The following KCNQ4 variants were observed in gnomAD, a reference collection of about 807,000 sequenced individuals.
KCNQ4 encodes potassium voltage-gated channel subfamily KQT member 4.
KCNQ4 carries 31 observed loss-of-function variants against 72.6 expected under a neutral mutation model. That is an observed-to-expected ratio of 0.43 (90% CI 0.32 to 0.58). KCNQ4 has a LOEUF of 0.58. Ranked by LOEUF, KCNQ4 falls within the 20% of genes least tolerant of loss-of-function variation. The probability of loss-of-function intolerance (pLI) is 0.08; values close to 1 mark genes in which losing one functional copy is unlikely to be tolerated. For missense variants in KCNQ4, 869 were observed against 962.6 expected (o/e 0.90, Z 1.29); for synonymous variants, 405 against 403.7 (o/e 1.00, Z -0.04).
At position 40,819,499 on chromosome 1, in the gene KCNQ4, C is replaced by A. The variant is rs33932028; in HGVS notation, c.834+27C>A. On this transcript the variant is annotated intron_variant, in intron 5 of 13. Coordinates refer to ENST00000347132, the MANE Select transcript of KCNQ4 (RefSeq NM_004700.4). ...TGCGTGAGGGTCTTTGTAGGGCTGC[C>A]CTTCTCCCTGGGATCCTCCCTGGGA... The A allele has an allele frequency of 0.14, 223,129 of 1,612,540 alleles. 16,131 individuals carry two copies. The highest frequency in any genetic ancestry group is 0.21 in the South Asian group (18,992 of 91,048).
At position 40,784,137 on chromosome 1, in the gene KCNQ4, C is replaced by T. The variant is rs1369988851; in HGVS notation, c.44C>T (p.Pro15Leu). Residue 15 changes from proline (P) to leucine (L), a missense_variant, in exon 1 of 14, where the codon CCC becomes CTC. By Grantham distance (98) the Pro-to-Leu change is moderately conservative. Transcript: ENST00000347132. This position sits in a 1 kb window ranked among gnomAD's most constrained non-coding sequence, Gnocchi z 4.1. ...CGCCGCCTCGGCCTGGGTCCCCCGC[C>T]CGGGGACGCCCCCCGCGCGGAGCTA... is the stretch of plus-strand genomic sequence containing the variant. ...PPRRLGLGPP[P>L]GDAPRAELVA... 2 of 995,998 alleles carry T rather than the reference C, an allele frequency of 2.0e-6. No homozygotes were observed. The highest frequency in any genetic ancestry group is 4.8e-5 in the Admixed American group (1 of 20,686). The allele number at this position is 995,998 out of a possible 1,614,324, so 61.7% of individuals were successfully genotyped here. A position where few individuals can be genotyped will look rare whatever the true frequency, so the allele number is the denominator to read the frequency against.
rs776809924 is a variant in KCNQ4, at chr1:40,831,192, C to T, written c.1401C>T (p.Ser467=). 2.2e-5 allele frequency: 36 copies of T among 1,610,534 alleles called. No homozygotes were observed. The East Asian group carries it at 3.3e-4, about 15-fold the overall frequency. Residue 467 remains serine (S), a synonymous_variant, in exon 10 of 14, where the codon AGC becomes AGT. Coordinates refer to ENST00000347132, the MANE Select transcript of KCNQ4 (RefSeq NM_004700.4). ...CAACAATGCCCACCTCCCCAAGCAG[C>T]GAGCAGGTGGGTGAGGCCACCAGCC... ...APPTMPTSPS[S]EQVGEATSPT...
rs1036042219 is a variant in KCNQ4, at chr1:40,819,291, C to G, written c.709-56C>G. 2.5e-6 allele frequency: 4 copies of G among 1,609,438 alleles called. No homozygotes were observed. In the African/African-American group the frequency reaches 4.0e-5, roughly 16 times the overall value. On this transcript the variant is annotated intron_variant, in intron 4 of 13. Transcript: ENST00000347132. ...ATCCCTTTCCCGTGTGGAAGCCCCC[C>G]ACATCTCCCAGGCAGGCACAGCGCT...
At chr1:40,806,914 C>A (rs1484001658) in intron 1 of KCNQ4, among the ~76,000 whole-genome samples, 1 of 152,204 alleles carries the variant, frequency 6.6e-6, no homozygotes, top group Non-Finnish European at 1.5e-5. Flanking sequence ...GTCTCCAGCT[C>A]TCCATGAATC....
In KCNQ4 at chr1:40,837,737, C is replaced by T. The variant is rs139835231; in HGVS notation, c.1818C>T (p.Asp606=). The change falls in exon 13 of 14, where the codon GAC becomes GAT. Residue 606 remains aspartate (D), a synonymous_variant. Coordinates refer to ENST00000347132, the MANE Select transcript of KCNQ4 (RefSeq NM_004700.4). ...AREKGDKGPS[D]AEVVDEISMM... is the part of the protein sequence containing the mutation. ...AGAAGGGCGACAAGGGGCCCTCCGA[C>T]GCGGAGGTGGTGGATGAAATCAGCA... 3.7e-6 allele frequency: 6 copies of T among 1,612,606 alleles called. No individual in the cohort carries two copies. Among genetic ancestry groups the T allele is most frequent in the South Asian group, 1.1e-5 (1 of 90,734 alleles).
At chr1:40,793,716 G>C (rs1314721542) in intron 1 of KCNQ4, among the ~76,000 whole-genome samples, 1 of 152,130 alleles carries the variant, frequency 6.6e-6, no homozygotes, top group East Asian at 1.9e-4. Context: ...AAAGCATTGC[G>C]CTGTTTAGTG....
At chr1:40,819,120 G>A in intron 4 of KCNQ4, 4 of 522,728 alleles carry the variant, frequency 7.7e-6, no homozygotes, top group Non-Finnish European at 1.4e-5. Flanking sequence ...GGAGACTCAA[G>A]GCAGGCGGGG....
chr1:40,802,797 G>A (rs1284002775), intron 1 of KCNQ4, among the ~76,000 whole-genome samples: 1 of 152,186 alleles, frequency 6.6e-6, no homozygotes, highest in African/African-American at 2.4e-5. Context: ...GTTCACCCAG[G>A]GGAGACCCCT....
chr1:40,801,681 A>T (rs1262216420), intron 1 of KCNQ4, among the ~76,000 whole-genome samples: 2 of 151,874 alleles, frequency 1.3e-5, no homozygotes, highest in African/African-American at 2.4e-5. Flanking sequence ...GGGAACAGGG[A>T]CTCTTCCCAT....
intron 1 of KCNQ4, among the ~76,000 whole-genome samples, chr1:40,797,820 T>C (rs953314436): frequency 2.0e-5 from 3 of 152,100 alleles, no homozygotes; most frequent in African/African-American, 7.2e-5. Context: ...CAGCTGCTTA[T>C]GCAAACTCTG....
At chr1:40,819,760 C>T in intron 5 of KCNQ4, 115 bp from the exon 6 acceptor site, 4 of 903,274 alleles carry the variant, frequency 4.4e-6, no homozygotes, top group Non-Finnish European at 3.8e-6. Flanking sequence ...AACCAGCCCC[C>T]GTGGGTGACC....
At chr1:40,833,159 A>G (rs1401662818) in intron 11 of KCNQ4, 46 bp downstream of exon 11, 2 of 1,410,298 alleles carry the variant, frequency 1.4e-6, no homozygotes, top group Admixed American at 3.4e-5. Flanking sequence ...TGTGCCACCC[A>G]CTGCTGCTCC....
chr1:40,804,470 C>G (rs1647689875), intron 1 of KCNQ4, among the ~76,000 whole-genome samples: 1 of 152,162 alleles, frequency 6.6e-6, no homozygotes, highest in South Asian at 2.1e-4. Context: ...CTTTCAGTGC[C>G]CAGATATAGC....
chr1:40,804,387 G>C (rs1162135123), intron 1 of KCNQ4, among the ~76,000 whole-genome samples: 1 of 152,184 alleles, frequency 6.6e-6, no homozygotes, highest in Non-Finnish European at 1.5e-5. Flanking sequence ...TATGATCACA[G>C]GTAAGCCAGG....
At chr1:40,805,288 G>C (rs1319109311) in intron 1 of KCNQ4, 1 of 152,170 alleles carries the variant, frequency 6.6e-6, no homozygotes, top group African/African-American at 2.4e-5. Context: ...TCAGCAGCCT[G>C]TGTGATCTTT....
intron 10 of KCNQ4, among the ~76,000 whole-genome samples, chr1:40,832,270 G>A (rs1648673280): frequency 1.3e-5 from 2 of 152,152 alleles, no homozygotes; most frequent in African/African-American, 4.8e-5. Context: ...TGGAGGGAGG[G>A]GACCCAGCCA....
intron 8 of KCNQ4, among the ~76,000 whole-genome samples, chr1:40,823,552 G>T (rs996872157): frequency 1.3e-5 from 2 of 152,170 alleles, no homozygotes; most frequent in African/African-American, 4.8e-5. Context: ...GCAATGGGAA[G>T]GCAGGCAGGA....
chr1:40,792,671 G>A (rs1283997959), intron 1 of KCNQ4, among the ~76,000 whole-genome samples: 4 of 152,184 alleles, frequency 2.6e-5, no homozygotes, highest in Non-Finnish European at 4.4e-5. Flanking sequence ...AGTCTGGTGG[G>A]AGAGACGGGG....
rs898619002 is a variant in KCNQ4 at position 40,839,878 on chromosome 1, A to G, written c.*1355A>G. On this transcript the variant is annotated 3_prime_UTR_variant, in exon 14 of 14. Coordinates refer to ENST00000347132, the MANE Select transcript of KCNQ4 (RefSeq NM_004700.4). ...TACCAACCGCGCATCCGGCTTTCACATGCACTGTCTCCCCTCCCTCCACAC... is the reference window on the plus strand; with the variant it reads ...TACCAACCGCGCATCCGGCTTTCACGTGCACTGTCTCCCCTCCCTCCACAC... 2.0e-5 allele frequency: 3 copies of G among 152,254 alleles called. No individual in the cohort carries two copies. The highest frequency in any genetic ancestry group is 7.2e-5 in the African/African-American group (3 of 41,436). The allele number at this position is 152,254 out of a possible 1,614,324, so 9.4% of individuals were successfully genotyped here. A position where few individuals can be genotyped will look rare whatever the true frequency, so the allele number is the denominator to read the frequency against.
Sources: allele counts gnomAD v4.1 joint callset (sites outside exome capture counted in the v4.1 genomes callset), GRCh38; gene constraint gnomAD v4.1.1; non-coding constraint Gnocchi (gnomAD v3.1); transcripts MANE v1.5; gene names NCBI Gene and HGNC (gene_info 2026-07-23, HGNC 2026-07-21).